Variants in POLD1 observed in about 807,000 individuals in gnomAD.
POLD1 encodes DNA polymerase delta 1, catalytic subunit, also known as DNA polymerase delta catalytic subunit.
POLD1 carries 79 observed loss-of-function variants against 129.7 expected under a neutral mutation model. That is an observed-to-expected ratio of 0.61 (90% CI 0.51 to 0.73). The LOEUF (loss-of-function observed/expected upper bound fraction) is 0.73. Ranked by LOEUF, POLD1 falls within the 30% of genes least tolerant of loss-of-function variation. POLD1 has a pLI of 0.00. For missense variants in POLD1, 1,338 were observed against 1,595.8 expected (o/e 0.84, Z 2.75); for synonymous variants, 714 against 683.3 (o/e 1.04, Z -0.70).
At chr19:50,413,019 C>G (rs2039140863) in intron 17 of POLD1, among the ~76,000 whole-genome samples, 1 of 152,068 alleles carries the variant, frequency 6.6e-6, no homozygotes, top group Non-Finnish European at 1.5e-5. Flanking sequence ...AGGGCCAGTT[C>G]TGGTGGTACA....
At chr19:50,391,688 G>T (rs983610125) in intron 1 of POLD1, among the ~76,000 whole-genome samples, 1 of 148,358 alleles carries the variant, frequency 6.7e-6, no homozygotes, top group African/African-American at 2.6e-5. Flanking sequence ...GAGACTGAGA[G>T]GGGGGAGGGG....
chr19:50,416,183 G>T, intron 22 of POLD1: 1 of 594,476 alleles, frequency 1.7e-6, no homozygotes, highest in Non-Finnish European at 3.0e-6. Context: ...GCTTCCCCTT[G>T]TGAACTCTGA....
At position 50,403,163 on chromosome 19, in the gene POLD1, GC is replaced by G. The variant is rs2122270947; in HGVS notation, c.1086del (p.Ile363SerfsTer30). 1 of 1,562,278 alleles carries G rather than the reference GC, an allele frequency of 6.4e-7. No homozygotes were observed. The highest frequency in any genetic ancestry group is 8.7e-7 in the Non-Finnish European group (1 of 1,152,984). On this transcript the variant is annotated frameshift_variant, in exon 9 of 27. Coordinates refer to ENST00000440232, the MANE Select transcript of POLD1 (RefSeq NM_002691.4). LOFTEE classifies it high-confidence loss of function. ...LRLALTLRPC[A>X]PILGAKVQSY... Reference sequence around the variant, plus strand: ...CCTGGCGCTCACCCTGCGGCCCTGTGCCCCCATCCTGGGTGCCAAGGTGCAG... The same window carrying G: ...CCTGGCGCTCACCCTGCGGCCCTGTGCCCCATCCTGGGTGCCAAGGTGCAG...
chr19:50,415,967 G>A (rs1273802171), intron 22 of POLD1, 141 bp downstream of exon 22: 2 of 641,362 alleles, frequency 3.1e-6, no homozygotes, highest in Non-Finnish European at 5.3e-6. Flanking sequence ...CAGCCTGGGT[G>A]TGGCCTCGGC....
intron 1 of POLD1, among the ~76,000 whole-genome samples, chr19:50,389,744 G>A (rs1320061139): frequency 1.3e-5 from 2 of 151,408 alleles, no homozygotes; most frequent in Non-Finnish European, 2.9e-5. Flanking sequence ...GCACCACCAC[G>A]CCCGGCTAAT....
At position 50,406,887 on chromosome 19, in the gene POLD1, TC is replaced by T. The variant is rs1334884484; in HGVS notation, c.1495-92del. On this transcript the variant is annotated intron_variant, in intron 12 of 26. Transcript: ENST00000440232. This position sits in a 1 kb window ranked among gnomAD's most constrained non-coding sequence, Gnocchi z 5.5. ...CCTGCCCGCCTCACCTCCCAGGCCC[TC>T]CCCAGGCTACCTCACCCTGACCCCC... The T allele has an allele frequency of 3.1e-6, 3 of 955,014 alleles. No individual in the cohort carries two copies. The highest frequency in any genetic ancestry group is 1.5e-6 in the Non-Finnish European group (1 of 665,336). 59.2% of individuals were successfully genotyped at this position (955,014 alleles called of 1,614,324 possible).
intron 1 of POLD1, among the ~76,000 whole-genome samples, chr19:50,386,121 G>C (rs2037963093): frequency 6.6e-6 from 1 of 151,986 alleles, no homozygotes; most frequent in Non-Finnish European, 1.5e-5. Flanking sequence ...TATTCACAGG[G>C]AGTTTCAACT....
chr19:50,389,430 T>A (rs1366322044), intron 1 of POLD1, among the ~76,000 whole-genome samples: 1 of 152,098 alleles, frequency 6.6e-6, no homozygotes, highest in African/African-American at 2.4e-5. Context: ...CCTCCAGCAG[T>A]CAGCTCTTAA....
Position 50,399,365 on chromosome 19 carries a change from C to G in POLD1, c.203-6C>G, listed in dbSNP as rs769882752. 5.0e-6 allele frequency: 8 copies of G among 1,608,014 alleles called. No individual in the cohort carries two copies. The highest frequency in any genetic ancestry group is 6.8e-6 in the Non-Finnish European group (8 of 1,174,502). ...TGTACTCCACTTCCTTCCCTTCCCC[C>G]ACCAGGGCAGGTCCCACCATCAGCC... On this transcript the variant is annotated splice_polypyrimidine_tract_variant and splice_region_variant and intron_variant, in intron 2 of 26. Coordinates refer to ENST00000440232, the MANE Select transcript of POLD1 (RefSeq NM_002691.4).
At chr19:50,405,451 G>T (rs552794403) in intron 10 of POLD1, among the ~76,000 whole-genome samples, 1 of 152,276 alleles carries the variant, frequency 6.6e-6, no homozygotes, top group East Asian at 1.9e-4. Flanking sequence ...AAAACAGGCT[G>T]GGTGTGGTGG....
Position 50,390,257 on chromosome 19 carries a change from T to G in POLD1, c.-2+5867T>G, listed in dbSNP as rs553612638. Among the ~76,000 whole-genome samples, 4 of 151,492 alleles carry G rather than the reference T, an allele frequency of 2.6e-5. No homozygotes were observed. The South Asian group carries it at 8.3e-4, about 32-fold the overall frequency. On this transcript the variant is annotated intron_variant, in intron 1 of 26. Coordinates refer to ENST00000440232, the MANE Select transcript of POLD1 (RefSeq NM_002691.4). ...TTTCTTTTTTTTTTTTCAAGTTACATGAAGTAAATTTATTATTTACAGCTA... is the reference window on the plus strand; with the variant it reads ...TTTCTTTTTTTTTTTTCAAGTTACAGGAAGTAAATTTATTATTTACAGCTA...
rs555074777 is a variant in POLD1 at position 50,392,378 on chromosome 19, G to A, written c.-1-6473G>A. Among the ~76,000 whole-genome samples, 7 of 152,232 alleles carry A rather than the reference G, an allele frequency of 4.6e-5. No homozygotes were observed. In the South Asian group the frequency reaches 8.3e-4, roughly 18 times the overall value. Reference sequence around the variant, plus strand: ...CTCCCAAAGTGTTGGGATTACAGACGTGAGCCTCCTAGCCCAGGCAACTTA... The same window carrying A: ...CTCCCAAAGTGTTGGGATTACAGACATGAGCCTCCTAGCCCAGGCAACTTA... On this transcript the variant is annotated intron_variant, in intron 1 of 26. Coordinates refer to ENST00000440232, the MANE Select transcript of POLD1 (RefSeq NM_002691.4).
intron 1 of POLD1, among the ~76,000 whole-genome samples, chr19:50,389,175 T>C (rs957809288): frequency 2.0e-5 from 3 of 151,194 alleles, no homozygotes; most frequent in African/African-American, 7.3e-5. Flanking sequence ...TCATGCAGGT[T>C]GTAGTGCAGT....
chr19:50,397,973 CAT>C (rs1257937988), intron 1 of POLD1, among the ~76,000 whole-genome samples: 2 of 152,072 alleles, frequency 1.3e-5, no homozygotes, highest in African/African-American at 4.8e-5. Flanking sequence ...TACGTGCTAA[CAT>C]GTGGAGGGGT....
chr19:50,390,730 G>T (rs948722976), intron 1 of POLD1, among the ~76,000 whole-genome samples: 1 of 152,100 alleles, frequency 6.6e-6, no homozygotes, highest in Non-Finnish European at 1.5e-5. Flanking sequence ...GCGGCCTTCC[G>T]CAGTGTTTGT....
At chr19:50,392,999 G>T (rs769827327) in intron 1 of POLD1, among the ~76,000 whole-genome samples, 1 of 152,208 alleles carries the variant, frequency 6.6e-6, no homozygotes, top group Non-Finnish European at 1.5e-5. Context: ...ATAGCCCCCT[G>T]GGGGAGGACA....
At chr19:50,391,871 A>G (rs2038187605) in intron 1 of POLD1, among the ~76,000 whole-genome samples, 1 of 148,560 alleles carries the variant, frequency 6.7e-6, no homozygotes, top group Non-Finnish European at 1.5e-5. Context: ...CGCCACCATG[A>G]CAAGCTAATT....
chr19:50,404,726 G>A (rs2038808521), intron 10 of POLD1, among the ~76,000 whole-genome samples: 1 of 150,214 alleles, frequency 6.7e-6, no homozygotes, highest in South Asian at 2.1e-4. Flanking sequence ...TTACAGGCGT[G>A]AGCCACCACG....
In POLD1 at chr19:50,406,201, TG is replaced by T. The variant is rs1367048783; in HGVS notation, c.1265del (p.Gly422AlafsTer56). The T allele has an allele frequency of 6.2e-7, 1 of 1,613,856 alleles. No homozygotes were observed. The highest frequency in any genetic ancestry group is 1.7e-5 in the Admixed American group (1 of 60,002). ...QTLKVQTFPF[L>X]GRVAGLCSNI... is the part of the protein sequence containing the mutation. ...CCTCAGGTACAAACATTCCCTTTCCTGGGCCGTGTGGCCGGCCTTTGCTCCA... is the reference window on the plus strand; with the variant it reads ...CCTCAGGTACAAACATTCCCTTTCCTGGCCGTGTGGCCGGCCTTTGCTCCA... On this transcript the variant is annotated frameshift_variant, in exon 11 of 27. Transcript: ENST00000440232. LOFTEE classifies it high-confidence loss of function. The surrounding 1 kb of genome is among the most constrained non-coding windows in gnomAD (Gnocchi z 5.5).
Sources: gnomAD v4.1 joint callset for allele counts (sites outside exome capture counted in the v4.1 genomes callset) on GRCh38, gnomAD v4.1.1 for gene constraint, Gnocchi (gnomAD v3.1) non-coding constraint, MANE v1.5 for transcripts, NCBI Gene and HGNC (gene_info 2026-07-23, HGNC 2026-07-21) for gene names.